The following PRKCB variants were observed in gnomAD, a reference collection of about 807,000 sequenced individuals.
PRKCB encodes the protein protein kinase C beta.
PRKCB carries 13 observed loss-of-function variants against 81.5 expected under a neutral mutation model. The ratio of observed to expected loss-of-function variants is 0.16; its 90% CI spans 0.10 to 0.25. PRKCB has a LOEUF of 0.25. Among genes scored for constraint, PRKCB ranks in the 10% least tolerant of loss-of-function variants. The pLI, the probability that PRKCB is intolerant of heterozygous loss-of-function variation, is 1.00. For missense variants in PRKCB, 509 were observed against 875.7 expected (o/e 0.58, Z 5.29); for synonymous variants, 335 against 321.4 (o/e 1.04, Z -0.45).
intron 2 of PRKCB, among the ~76,000 whole-genome samples, chr16:23,952,317 T>C (rs560650986): frequency 6.6e-6 from 1 of 152,312 alleles, no homozygotes; most frequent in South Asian, 2.1e-4. Flanking sequence ...CTCTGCTGAT[T>C]ATCAAACTCT....
At position 24,217,573 on chromosome 16, in the gene PRKCB, C is replaced by T; in HGVS notation, c.*2757C>T. ...ACGGTAAAATCCAGGAGTATTTTCT[C>T]TGGGGATCTGCCCACAGGACAAAGT... On this transcript the variant is annotated 3_prime_UTR_variant, in exon 17 of 17. Coordinates refer to ENST00000643927, the MANE Select transcript of PRKCB (RefSeq NM_002738.7). The T allele has an allele frequency of 1.0e-6, 1 of 985,428 alleles. No individual in the cohort carries two copies. The highest frequency in any genetic ancestry group is 1.2e-6 in the Non-Finnish European group (1 of 829,950). 61.0% of individuals were successfully genotyped at this position (985,428 alleles called of 1,614,324 possible). A position where few individuals can be genotyped will look rare whatever the true frequency, so the allele number is the denominator to read the frequency against.
chr16:23,875,502 TA>T (rs1567298288), intron 2 of PRKCB, among the ~76,000 whole-genome samples: 238 of 21,994 alleles, frequency 0.011, 10 homozygotes, highest in East Asian at 0.038. Context: ...TATATATATA[TA>T]TATGATGTAT....
At chr16:23,875,995 T>C (rs1168475818) in intron 2 of PRKCB, among the ~76,000 whole-genome samples, 2 of 152,224 alleles carry the variant, frequency 1.3e-5, no homozygotes, top group South Asian at 2.1e-4. Context: ...AGTCATGCTA[T>C]ATGCCTCATT....
chr16:24,050,699 T>G (rs1419526861), intron 5 of PRKCB, among the ~76,000 whole-genome samples: 1 of 152,206 alleles, frequency 6.6e-6, no homozygotes, highest in Non-Finnish European at 1.5e-5. Context: ...GCTCTTACTC[T>G]GCAAATTGAT....
At chr16:24,075,981 G>A (rs571981033) in intron 5 of PRKCB, among the ~76,000 whole-genome samples, 14 of 152,290 alleles carry the variant, frequency 9.2e-5, no homozygotes, top group Non-Finnish European at 1.5e-4. Context: ...TAGGGTACGT[G>A]TGCACAATGT....
Position 24,214,913 on chromosome 16 carries a change from GTTTGATT to G in PRKCB, c.*100_*106del. On this transcript the variant is annotated 3_prime_UTR_variant, in exon 17 of 17. Coordinates refer to ENST00000643927, the MANE Select transcript of PRKCB (RefSeq NM_002738.7). Reference sequence around the variant, plus strand: ...TTTTTCATTGCCAAGTTGCATCCATGTTTGATTTTCTGATGAGACTAGAGTGACAGTG... The same window carrying G: ...TTTTTCATTGCCAAGTTGCATCCATGTTCTGATGAGACTAGAGTGACAGTG... 1 of 1,552,544 alleles carries G rather than the reference GTTTGATT, an allele frequency of 6.4e-7. No individual in the cohort carries two copies. Among genetic ancestry groups the G allele is most frequent in the Non-Finnish European group, 8.7e-7 (1 of 1,153,150 alleles).
rs183430988 is a variant in PRKCB at position 23,866,863 on chromosome 16, A to G, written c.205+29457A>G. Among the ~76,000 whole-genome samples, 5 of 152,214 alleles carry G rather than the reference A, an allele frequency of 3.3e-5. No homozygotes were observed. In the East Asian group the frequency reaches 9.7e-4, roughly 29 times the overall value. On this transcript the variant is annotated intron_variant, in intron 2 of 16. Transcript: ENST00000643927. ...TTATCAGGCCTTAACACTTTTGCCA[A>G]TCTGATGGGAGAAAAATGGCATTTA...
At chr16:23,858,535 T>G (rs1290048062) in intron 2 of PRKCB, among the ~76,000 whole-genome samples, 1 of 64,064 alleles carries the variant, frequency 1.6e-5, no homozygotes, top group Non-Finnish European at 2.9e-5. Flanking sequence ...AATACTTCCA[T>G]CAAACTGTTT....
At chr16:24,193,473 AAAT>A (rs1376820700) in intron 16 of PRKCB, among the ~76,000 whole-genome samples, 40 of 127,186 alleles carry the variant, frequency 3.1e-4, no homozygotes, top group African/African-American at 7.3e-4. Context: ...ATAAATAAAT[AAAT>A]AAATAAATAA....
chr16:24,027,058 G>T (rs906467212), intron 3 of PRKCB, among the ~76,000 whole-genome samples: 3 of 152,030 alleles, frequency 2.0e-5, no homozygotes, highest in Non-Finnish European at 4.4e-5. Context: ...GTGCAGTTTT[G>T]TTTCATAGGT....
At chr16:24,173,210 C>T (rs971716567) in intron 11 of PRKCB, among the ~76,000 whole-genome samples, 3 of 152,190 alleles carry the variant, frequency 2.0e-5, no homozygotes, top group Non-Finnish European at 2.9e-5. Context: ...AAATGTGTTT[C>T]CTCTGCTGAG....
intron 7 of PRKCB, among the ~76,000 whole-genome samples, chr16:24,106,156 C>T (rs2470688): frequency 0.44 from 66,450 of 151,592 alleles, 16,025 homozygotes; most frequent in Non-Finnish European, 0.54. Context: ...TCAGACTTCC[C>T]GGGTTAGAAT....
Position 24,215,583 on chromosome 16 carries a change from C to A in PRKCB, c.*767C>A. 2 of 985,000 alleles carry A rather than the reference C, an allele frequency of 2.0e-6. No individual in the cohort carries two copies. Among genetic ancestry groups the A allele is most frequent in the Non-Finnish European group, 2.4e-6 (2 of 829,746 alleles). 61.0% of individuals were successfully genotyped at this position (985,000 alleles called of 1,614,324 possible). ...AGGCCCCCAAAGGGCCCTGGTTTTACATTACATTTCAAACTTTATTTGCTT... is the reference window on the plus strand; with the variant it reads ...AGGCCCCCAAAGGGCCCTGGTTTTAAATTACATTTCAAACTTTATTTGCTT... On this transcript the variant is annotated 3_prime_UTR_variant, in exon 17 of 17. Transcript: ENST00000643927.
At chr16:23,870,655 A>T (rs8046693) in intron 2 of PRKCB, among the ~76,000 whole-genome samples, 1 of 152,072 alleles carries the variant, frequency 6.6e-6, no homozygotes, top group Non-Finnish European at 1.5e-5. Context: ...CTGGGGCCAC[A>T]TCAGGACCTA....
At chr16:23,846,568 C>T (rs1355391299) in intron 2 of PRKCB, among the ~76,000 whole-genome samples, 1 of 136,880 alleles carries the variant, frequency 7.3e-6, no homozygotes, top group Non-Finnish European at 1.5e-5. Context: ...CAAGATTGCG[C>T]CACTGCACTC....
rs2141996017 is a variant in PRKCB, at chr16:24,214,950, A to C, written c.*134A>C. On this transcript the variant is annotated 3_prime_UTR_variant, in exon 17 of 17. Transcript: ENST00000643927. ...GATGAGACTAGAGTGACAGTGTTTC[A>C]GAACCCAAATGTCCTCAGGTAGTTT... 3 of 1,499,420 alleles carry C rather than the reference A, an allele frequency of 2.0e-6. No homozygotes were observed. The East Asian group carries it at 6.9e-5, about 35-fold the overall frequency. The allele number at this position is 1,499,420 out of a possible 1,614,324, so 92.9% of individuals were successfully genotyped here. A position where few individuals can be genotyped will look rare whatever the true frequency, so the allele number is the denominator to read the frequency against.
At chr16:24,170,384 C>T (rs923158146) in intron 10 of PRKCB, among the ~76,000 whole-genome samples, 9 of 152,042 alleles carry the variant, frequency 5.9e-5, no homozygotes, top group South Asian at 2.1e-4. Flanking sequence ...AAGAGTATAA[C>T]GGCAGACCTA....
intron 6 of PRKCB, among the ~76,000 whole-genome samples, chr16:24,093,701 G>A (rs1214371426): frequency 6.6e-6 from 1 of 152,104 alleles, no homozygotes; most frequent in Non-Finnish European, 1.5e-5. Context: ...CTCTCTCAGG[G>A]CAAAGCTGGG....
chr16:24,092,960 G>A lies in PRKCB; in HGVS notation c.686+13G>A, dbSNP rs1287813529. ...AGACATTTAGATTGTAAGTGGAAAT[G>A]ACTGCAGTGAGCATGGGTGGTGGAG... is the stretch of plus-strand genomic sequence containing the variant. On this transcript the variant is annotated intron_variant, in intron 6 of 16. Coordinates refer to ENST00000643927, the MANE Select transcript of PRKCB (RefSeq NM_002738.7). The A allele has an allele frequency of 1.2e-6, 2 of 1,612,200 alleles. No individual in the cohort carries two copies. The highest frequency in any genetic ancestry group is 1.7e-5 in the Admixed American group (1 of 59,996).
Sources: gnomAD v4.1 joint callset for allele counts (sites outside exome capture counted in the v4.1 genomes callset) on GRCh38, gnomAD v4.1.1 for gene constraint, MANE v1.5 for transcripts, NCBI Gene and HGNC (gene_info 2026-07-23, HGNC 2026-07-21) for gene names.